The following TRIM45 variants were observed in gnomAD, a reference collection of about 807,000 sequenced individuals.
TRIM45 encodes the protein tripartite motif containing 45.
A neutral mutation model predicts 46.7 loss-of-function variants in TRIM45; 45 were observed. The observed-to-expected ratio is 0.96, with a 90% CI of 0.76 to 1.24. TRIM45 has a LOEUF of 1.24. Ranked by LOEUF, TRIM45 falls within the 50% of genes most tolerant of loss-of-function variation. TRIM45 has a pLI of 0.00. For synonymous variants in TRIM45, 259 were observed against 285.8 expected (o/e 0.91, Z 0.94); for missense variants, 680 against 728.4 (o/e 0.93, Z 0.77).
Position 117,113,380 on chromosome 1 carries a change from C to T in TRIM45, c.1573G>A (p.Ala525Thr), listed in dbSNP as rs144861033. Residue 525 changes from alanine (A) to threonine (T), a missense_variant, in exon 5 of 6, where the codon GCC (alanine) becomes ACC (threonine). By Grantham distance (58) the Ala-to-Thr change is moderately conservative. Coordinates refer to ENST00000256649, the MANE Select transcript of TRIM45 (RefSeq NM_025188.4). The surrounding 1 kb of genome is among the most constrained non-coding windows in gnomAD (Gnocchi z 4.0). ...TTACCTGGCATGGTGCCTCCACAGG[C>T]GCAGCGAGCGGTTTTCTGGCCCCCG... is the stretch of plus-strand genomic sequence containing the variant. ...SSGGQKTARCACGGTMPGGYL... is the reference protein window; with the variant it reads ...SSGGQKTARCTCGGTMPGGYL... 1.7e-5 allele frequency: 27 copies of T among 1,612,050 alleles called. No homozygotes were observed. The highest frequency in any genetic ancestry group is 1.6e-4 in the African/African-American group (12 of 74,872).
Position 117,116,726 on chromosome 1 carries a change from C to T in TRIM45, c.1242G>A (p.Glu414=), listed in dbSNP as rs755005536. 1 of 1,614,172 alleles carries T rather than the reference C, an allele frequency of 6.2e-7. No homozygotes were observed. Among genetic ancestry groups the T allele is most frequent in the East Asian group, 2.2e-5 (1 of 44,874 alleles). The part of the protein sequence containing the change: ...LQGEDLHRAR[E]KQTASFTLLC... ...GCAGGGTGAAAGAGGCCGTCTGTTT[C>T]TCCCGGGCTCTGTGGAGGTCTGAAA... Residue 414 remains glutamate, a synonymous_variant, in exon 3 of 6, where the codon GAG becomes GAA. Transcript: ENST00000256649. This position sits in a 1 kb window ranked among gnomAD's most constrained non-coding sequence, Gnocchi z 4.6.
chr1:117,112,891 A>AT (rs377094845), intron 5 of TRIM45, among the ~76,000 whole-genome samples: 3 of 151,772 alleles, frequency 2.0e-5, no homozygotes, highest in Admixed American at 6.6e-5. Flanking sequence ...GGACACAATA[A>AT]TTTTTTTTTA....
At position 117,112,432 on chromosome 1, in the gene TRIM45, T is replaced by C. The variant is rs1372681381; in HGVS notation, c.1616A>G (p.His539Arg). ...ATGACCTGGGTGGCCTTTGTGTCCA[T>C]GGCCACAGCCTAGGTACCCACCTAC... is the stretch of plus-strand genomic sequence containing the variant. Reference protein sequence around the residue: ...TMPGGYLGCGHGHKGHPGHPH... With the variant: ...TMPGGYLGCGRGHKGHPGHPH... The change falls in exon 6 of 6, where the codon CAT (histidine) becomes CGT (arginine). Residue 539 changes from histidine (H) to arginine (R), a missense_variant. Transcript: ENST00000256649. 1.9e-6 allele frequency: 3 copies of C among 1,613,488 alleles called. No individual in the cohort carries two copies. The highest frequency in any genetic ancestry group is 2.5e-6 in the Non-Finnish European group (3 of 1,179,828).
At chr1:117,121,950 A>C (rs1650660533), upstream of TRIM45, 1 of 646,012 alleles carries the variant, frequency 1.5e-6, no homozygotes, top group Admixed American at 2.6e-5. The surrounding 1 kb of genome is among the most constrained non-coding windows in gnomAD (Gnocchi z 4.2). Flanking sequence ...GGGCGGCCGA[A>C]GGGCTTAGAG....
Position 117,118,471 on chromosome 1 carries a change from A to G in TRIM45, c.785T>C (p.Ile262Thr). Residue 262 changes from isoleucine to threonine, a missense_variant, in exon 2 of 6, where the codon ATA becomes ACA. Physicochemically the swap from Ile to Thr is moderately conservative, Grantham distance 89. Coordinates refer to ENST00000256649, the MANE Select transcript of TRIM45 (RefSeq NM_025188.4). This position sits in a 1 kb window ranked among gnomAD's most constrained non-coding sequence, Gnocchi z 5.7. ...CACTCGCTTCTGGAGGGCACTGTTT[A>G]TTATGTGGATCTGAGCCAGGGCTTC... ...LEEALAQIHI[I>T]NSALQKRVEA... 1 of 1,613,848 alleles carries G rather than the reference A, an allele frequency of 6.2e-7. No homozygotes were observed. Among genetic ancestry groups the G allele is most frequent in the Non-Finnish European group, 8.5e-7 (1 of 1,180,010 alleles).
chr1:117,121,818 T>TCGCCGCTCCGC, upstream of TRIM45: 4 of 709,568 alleles, frequency 5.6e-6, no homozygotes, highest in Non-Finnish European at 1.0e-5. The surrounding 1 kb of genome is among the most constrained non-coding windows in gnomAD (Gnocchi z 4.2). Flanking sequence ...GCGGCGGCCC[T>TCGCCGCTCCGC]CGCCGCTCCG....
rs1410689093 is a variant in TRIM45 at position 117,112,194 on chromosome 1, A to C, written c.*111T>G. On this transcript the variant is annotated 3_prime_UTR_variant, in exon 6 of 6. Transcript: ENST00000256649. ...AGCACTTGAACTCCAGTGCAAGATAAGGCACTTTGTTTTTAATTCTATCAG... is the reference window on the plus strand; with the variant it reads ...AGCACTTGAACTCCAGTGCAAGATACGGCACTTTGTTTTTAATTCTATCAG... 8.7e-7 allele frequency: 1 copy of C among 1,151,950 alleles called. No individual in the cohort carries two copies. Among genetic ancestry groups the C allele is most frequent in the Non-Finnish European group, 1.1e-6 (1 of 880,442 alleles). 71.4% of individuals were successfully genotyped at this position (1,151,950 alleles called of 1,614,324 possible).
rs374735368 is a variant in TRIM45, at chr1:117,121,088, G to A, written c.114C>T (p.Ala38=). The part of the protein sequence containing the change: ...HCPLCLGLFK[A]PRLLPCLHTV... ...TATGCAAACAAGGCAAGAGCCTGGG[G>A]GCTTTGAAAAGCCCCAAGCACAGGG... Residue 38 remains alanine (A), a synonymous_variant, in exon 1 of 6, where the codon GCC becomes GCT. Coordinates refer to ENST00000256649, the MANE Select transcript of TRIM45 (RefSeq NM_025188.4). This position sits in a 1 kb window ranked among gnomAD's most constrained non-coding sequence, Gnocchi z 4.2. 3 of 1,613,990 alleles carry A rather than the reference G, an allele frequency of 1.9e-6. No individual in the cohort carries two copies. The highest frequency in any genetic ancestry group is 2.5e-6 in the Non-Finnish European group (3 of 1,179,996).
chr1:117,118,538 C>T lies in TRIM45; in HGVS notation c.718G>A (p.Glu240Lys). Residue 240 changes from glutamate (E) to lysine (K), a missense_variant, in exon 2 of 6, where the codon GAG becomes AAG. Coordinates refer to ENST00000256649, the MANE Select transcript of TRIM45 (RefSeq NM_025188.4). The surrounding 1 kb of genome is among the most constrained non-coding windows in gnomAD (Gnocchi z 5.7). ...TGGGGCTGAGTACCTTTGAGGAGCT[C>T]CCACACAGAGTCCCCATGCTTGTGG... Reference protein sequence around the residue: ...VIHKHGDSVWELLKGTQPHVE... With the variant: ...VIHKHGDSVWKLLKGTQPHVE... 6.2e-7 allele frequency: 1 copy of T among 1,614,172 alleles called. No homozygotes were observed. Among genetic ancestry groups the T allele is most frequent in the Non-Finnish European group, 8.5e-7 (1 of 1,180,042 alleles).
Position 117,111,320 on chromosome 1 carries a change from GAGA to G in TRIM45, c.*982_*984del, listed in dbSNP as rs1229537280. ...CTACTCTACTAAAAAACAGAGCTGT[GAGA>G]AGGATGAAGGTGTCTAGATTTTCTG... is the stretch of plus-strand genomic sequence containing the variant. On this transcript the variant is annotated 3_prime_UTR_variant, in exon 6 of 6. Transcript: ENST00000256649. 2 of 152,206 alleles carry G rather than the reference GAGA, an allele frequency of 1.3e-5. No homozygotes were observed. Among genetic ancestry groups the G allele is most frequent in the Non-Finnish European group, 2.9e-5 (2 of 68,048 alleles). 9.4% of individuals were successfully genotyped at this position (152,206 alleles called of 1,614,324 possible).
chr1:117,122,865 C>T (rs11806143), upstream of TRIM45, among the ~76,000 whole-genome samples: 2,900 of 152,270 alleles, frequency 0.019, 91 homozygotes, highest in African/African-American at 0.067. Context: ...GTTGCGTCAG[C>T]TTGTCTACTG....
Position 117,118,181 on chromosome 1 carries a change from T to A in TRIM45, c.1075A>T (p.Lys359Ter). 1 of 1,614,236 alleles carries A rather than the reference T, an allele frequency of 6.2e-7. No individual in the cohort carries two copies. Among genetic ancestry groups the A allele is most frequent in the Non-Finnish European group, 8.5e-7 (1 of 1,180,038 alleles). Residue 359 changes from lysine to a stop codon, truncating the protein, a stop_gained, in exon 2 of 6, where the codon AAA becomes TAA. Transcript: ENST00000256649. LOFTEE classifies it high-confidence loss of function. This position sits in a 1 kb window ranked among gnomAD's most constrained non-coding sequence, Gnocchi z 5.7. ...VVVERLRKLN[K>*]VQYSTRPGVN... ...CCAGGACGGGTGCTATATTGAACTT[T>A]GTTCAGCTTCCTGAGCCGTTCTACC...
In TRIM45 at chr1:117,121,525, G is replaced by A; in HGVS notation, c.-324C>T. ...TCCTGCTGCCAACAAAGTCACCCCT[G>A]CACCTCTCGCTCCCTCCACTGCCAC... On this transcript the variant is annotated 5_prime_UTR_variant, in exon 1 of 6. Coordinates refer to ENST00000256649, the MANE Select transcript of TRIM45 (RefSeq NM_025188.4). This position sits in a 1 kb window ranked among gnomAD's most constrained non-coding sequence, Gnocchi z 4.2. The A allele has an allele frequency of 3.7e-6, 2 of 537,932 alleles. 1 individual carries two copies. Among genetic ancestry groups the A allele is most frequent in the South Asian group, 4.9e-5 (2 of 40,946 alleles). The allele number at this position is 537,932 out of a possible 1,614,324, so 33.3% of individuals were successfully genotyped here.
In TRIM45 at chr1:117,116,515, A is replaced by G; in HGVS notation, c.1352+101T>C. On this transcript the variant is annotated intron_variant, in intron 3 of 5. Coordinates refer to ENST00000256649, the MANE Select transcript of TRIM45 (RefSeq NM_025188.4). The surrounding 1 kb of genome is among the most constrained non-coding windows in gnomAD (Gnocchi z 4.6). The stretch of plus-strand genomic sequence containing the variant: ...CCACTTCCCAAAGTGCTGGGATTAC[A>G]GGCATGAGCCACTGTGCCCAGCTCC... 1 of 1,481,664 alleles carries G rather than the reference A, an allele frequency of 6.7e-7. No homozygotes were observed. The highest frequency in any genetic ancestry group is 9.1e-7 in the Non-Finnish European group (1 of 1,093,370). 91.8% of individuals were successfully genotyped at this position (1,481,664 alleles called of 1,614,324 possible). A position where few individuals can be genotyped will look rare whatever the true frequency, so the allele number is the denominator to read the frequency against.
In TRIM45 at chr1:117,121,159, GTT is replaced by G. The variant is rs1557849550; in HGVS notation, c.41_42del (p.Lys14ThrfsTer3). 6.3e-7 allele frequency: 1 copy of G among 1,587,562 alleles called. No homozygotes were observed. The highest frequency in any genetic ancestry group is 2.2e-5 in the East Asian group (1 of 44,556). On this transcript the variant is annotated frameshift_variant, in exon 1 of 6. Coordinates refer to ENST00000256649, the MANE Select transcript of TRIM45 (RefSeq NM_025188.4). LOFTEE classifies it high-confidence loss of function. The surrounding 1 kb of genome is among the most constrained non-coding windows in gnomAD (Gnocchi z 4.2). ...TTCCCAAGTGCAGTCCCACTAGTGA[GTT>G]TGCTTACAAAGCCCAGCAGCGGTTT... Reference protein sequence around the residue: ...NRKPLLGFVSKLTSGTALGNS... With the variant: ...NRKPLLGFVSXLTSGTALGNS...
rs61758105 is a variant in TRIM45, at chr1:117,116,661, C to T, written c.1307G>A (p.Gly436Glu). 25,628 of 1,614,056 alleles carry T rather than the reference C, an allele frequency of 0.016. 274 individuals are homozygous for T. Among genetic ancestry groups the T allele is most frequent in the Admixed American group, 0.051 (3,056 of 60,016 alleles). ...DAAGEIMGRG[G>E]DNVQVAVVPK... Reference sequence around the variant, plus strand: ...GACAACGGCAACTTGAACGTTGTCTCCTCCCCTGCCCATGATTTCTCCTGC... The same window carrying T: ...GACAACGGCAACTTGAACGTTGTCTTCTCCCCTGCCCATGATTTCTCCTGC... Residue 436 changes from glycine (G) to glutamate (E), a missense_variant, in exon 3 of 6, where the codon GGA becomes GAA. Gly to Glu is a moderately conservative substitution (Grantham distance 98, BLOSUM62 -2). Coordinates refer to ENST00000256649, the MANE Select transcript of TRIM45 (RefSeq NM_025188.4). The surrounding 1 kb of genome is among the most constrained non-coding windows in gnomAD (Gnocchi z 4.6).
Position 117,112,051 on chromosome 1 carries a change from G to T in TRIM45, c.*254C>A. The T allele has an allele frequency of 2.8e-6, 1 of 352,278 alleles. No homozygotes were observed. 21.8% of individuals were successfully genotyped at this position (352,278 alleles called of 1,614,324 possible). On this transcript the variant is annotated 3_prime_UTR_variant, in exon 6 of 6. Transcript: ENST00000256649. ...TAGATACCTCCATACTGTACAAAAT[G>T]AAAAGGAGTATCCTGTGGTAGAAAA...
At chr1:117,112,538 T>G in intron 5 of TRIM45, 85 bp from the exon 6 acceptor site, 1 of 1,296,516 alleles carries the variant, frequency 7.7e-7, no homozygotes, top group Non-Finnish European at 1.0e-6. Flanking sequence ...TTAGACCTCC[T>G]GGCAACATGC....
In TRIM45 at chr1:117,121,230, A is replaced by C; in HGVS notation, c.-29T>G. The C allele has an allele frequency of 1.3e-5, 19 of 1,516,542 alleles. No homozygotes were observed. Among genetic ancestry groups the C allele is most frequent in the Non-Finnish European group, 1.6e-5 (18 of 1,141,296 alleles). The allele number at this position is 1,516,542 out of a possible 1,614,324, so 93.9% of individuals were successfully genotyped here. ...CCTCACGTTTGTGACCAATATTAGA[A>C]AGGGCCCTGGGCAGTTCTACGATTT... On this transcript the variant is annotated 5_prime_UTR_variant, in exon 1 of 6. Transcript: ENST00000256649. The surrounding 1 kb of genome is among the most constrained non-coding windows in gnomAD (Gnocchi z 4.2).
Sources: allele counts gnomAD v4.1 joint callset (sites outside exome capture counted in the v4.1 genomes callset), GRCh38; gene constraint gnomAD v4.1.1; non-coding constraint Gnocchi (gnomAD v3.1); transcripts MANE v1.5; gene names NCBI Gene and HGNC (gene_info 2026-07-23, HGNC 2026-07-21).